The following AUTS2 variants were observed in gnomAD, a reference collection of about 807,000 sequenced individuals.
AUTS2 encodes the protein autism susceptibility gene 2 protein.
Under a neutral mutation model 112.4 loss-of-function variants are expected in AUTS2, and 17 were observed. The observed-to-expected ratio is 0.15, with a 90% confidence interval of 0.10 to 0.23. The LOEUF is 0.23. AUTS2 is among the 10% of genes least tolerant of loss of function. AUTS2 has a pLI of 1.00. For synonymous variants in AUTS2, 751 were observed against 702.7 expected (o/e 1.07, Z -1.09); for missense variants, 1,510 against 1,701.6 (o/e 0.89, Z 1.98).
chr7:70,431,463 A>G (rs927404054), intron 4 of AUTS2, among the ~76,000 whole-genome samples: 4 of 152,114 alleles, frequency 2.6e-5, no homozygotes, highest in Admixed American at 6.5e-5. Flanking sequence ...TCAGCTCACT[A>G]CAACCTCCGT....
At chr7:70,630,961 CTT>C (rs1479225351) in intron 5 of AUTS2, among the ~76,000 whole-genome samples, 1 of 152,106 alleles carries the variant, frequency 6.6e-6, no homozygotes, top group Non-Finnish European at 1.5e-5. Flanking sequence ...GTTCCTGAGA[CTT>C]TAAAGGAAAA....
At chr7:70,198,610 A>T (rs1337012509) in intron 4 of AUTS2, among the ~76,000 whole-genome samples, 40 of 111,594 alleles carry the variant, frequency 3.6e-4, no homozygotes, top group African/African-American at 1.4e-3. Context: ...GATGAAATGA[A>T]TGAAATGAAG....
chr7:69,805,560 T>C (rs1790265399), intron 1 of AUTS2, among the ~76,000 whole-genome samples: 1 of 152,000 alleles, frequency 6.6e-6, no homozygotes, highest in African/African-American at 2.4e-5. Flanking sequence ...CAAGAAAATA[T>C]GAAGGAAAAA....
At chr7:70,356,304 TATATCAATA>T (rs1792005556) in intron 4 of AUTS2, among the ~76,000 whole-genome samples, 1 of 152,220 alleles carries the variant, frequency 6.6e-6, no homozygotes, top group Non-Finnish European at 1.5e-5. Flanking sequence ...CAAGTTGCTT[TATATCAATA>T]GACTGAAGTA....
At chr7:70,579,244 T>TACAAAAAAAAAAAAA (rs1802317825) in intron 5 of AUTS2, among the ~76,000 whole-genome samples, 1 of 55,868 alleles carries the variant, frequency 1.8e-5, no homozygotes. Context: ...TTCTCTTTTC[T>TACAAAAAAAAAAAAA]AAAAAAAAAA....
At chr7:70,301,935 T>TG (rs976234549) in intron 4 of AUTS2, among the ~76,000 whole-genome samples, 104 of 134,076 alleles carry the variant, frequency 7.8e-4, no homozygotes, top group African/African-American at 2.9e-3. Context: ...TTGTTTTTTG[T>TG]GGTTTTTTTT....
At chr7:69,784,353 G>A (rs1039090026) in intron 1 of AUTS2, among the ~76,000 whole-genome samples, 3 of 152,100 alleles carry the variant, frequency 2.0e-5, no homozygotes, top group Admixed American at 1.3e-4. Flanking sequence ...CCTCTCCTTC[G>A]CAAGACCCAG....
intron 12 of AUTS2, chr7:70,775,131 C>T: frequency 1.8e-6 from 1 of 565,614 alleles, no homozygotes; most frequent in Non-Finnish European, 3.1e-6. Context: ...TAAACTTGTA[C>T]AGGGGCTTGT....
At chr7:70,732,152 T>C (rs1474767289) in intron 6 of AUTS2, among the ~76,000 whole-genome samples, 1 of 152,254 alleles carries the variant, frequency 6.6e-6, no homozygotes, top group Non-Finnish European at 1.5e-5. Flanking sequence ...AAGTGTATTA[T>C]GCATTACAGC....
intron 2 of AUTS2, among the ~76,000 whole-genome samples, chr7:70,096,048 C>A (rs1188451790): frequency 1.3e-5 from 2 of 152,108 alleles, no homozygotes; most frequent in Non-Finnish European, 2.9e-5. Flanking sequence ...GAGTTCAAGA[C>A]CTACCCTTCT....
At position 70,076,302 on chromosome 7, in the gene AUTS2, G is replaced by A. The variant is rs567694912; in HGVS notation, c.523-41830G>A. ...TCAAGTTAATAATAGTTTACAGTAA[G>A]TTCTCACTTAATGTTGTCAGTCATT... On this transcript the variant is annotated intron_variant, in intron 2 of 18. Coordinates refer to ENST00000342771, the MANE Select transcript of AUTS2 (RefSeq NM_015570.4). 2.0e-5 allele frequency among the ~76,000 whole-genome samples: 3 copies of A among 152,196 alleles called. No homozygotes were observed. In the South Asian group the frequency reaches 6.2e-4, roughly 32 times the overall value.
chr7:70,164,980 A>G (rs192994817), intron 4 of AUTS2, among the ~76,000 whole-genome samples: 100 of 152,326 alleles, frequency 6.6e-4, no homozygotes, highest in African/African-American at 2.3e-3. Flanking sequence ...GGTGGACAAT[A>G]TACATAAATC....
At chr7:70,681,984 G>C (rs1262261341) in intron 5 of AUTS2, among the ~76,000 whole-genome samples, 1 of 152,160 alleles carries the variant, frequency 6.6e-6, no homozygotes, top group Non-Finnish European at 1.5e-5. Context: ...CCGTGGCTTT[G>C]GGGTTGTTCC....
At chr7:69,970,175 A>G (rs76536686) in intron 2 of AUTS2, among the ~76,000 whole-genome samples, 1 of 152,280 alleles carries the variant, frequency 6.6e-6, no homozygotes, top group Non-Finnish European at 1.5e-5. Context: ...GTGCCTAGCT[A>G]TCTTTCTTTC....
At chr7:70,606,840 C>T (rs1357198274) in intron 5 of AUTS2, among the ~76,000 whole-genome samples, 2 of 143,024 alleles carry the variant, frequency 1.4e-5, no homozygotes, top group African/African-American at 5.2e-5. Context: ...CCAGCCTGGG[C>T]GACAAGCGAG....
chr7:69,690,608 A>G (rs1024143714), intron 1 of AUTS2, among the ~76,000 whole-genome samples: 2 of 152,162 alleles, frequency 1.3e-5, no homozygotes, highest in African/African-American at 4.8e-5. Flanking sequence ...GTGTACTGCA[A>G]GCAGCTTCCA....
intron 2 of AUTS2, among the ~76,000 whole-genome samples, chr7:70,075,523 A>G (rs1167971996): frequency 6.6e-6 from 1 of 152,250 alleles, no homozygotes; most frequent in African/African-American, 2.4e-5. Context: ...ATTCATTACT[A>G]AAAGGCATTA....
chr7:70,368,784 A>G (rs1016085738), intron 4 of AUTS2, among the ~76,000 whole-genome samples: 3 of 152,208 alleles, frequency 2.0e-5, no homozygotes, highest in Non-Finnish European at 4.4e-5. Flanking sequence ...GTAGAGCTAT[A>G]GGTATAAGTA....
At chr7:69,661,000 A>G (rs1228605837) in intron 1 of AUTS2, among the ~76,000 whole-genome samples, 1 of 152,218 alleles carries the variant, frequency 6.6e-6, no homozygotes, top group Non-Finnish European at 1.5e-5. Flanking sequence ...GTCATTGGGA[A>G]GTGGGAACGC....
Sources: gnomAD v4.1 joint callset for allele counts (sites outside exome capture counted in the v4.1 genomes callset) on GRCh38, gnomAD v4.1.1 for gene constraint, MANE v1.5 for transcripts, NCBI Gene and HGNC (gene_info 2026-07-23, HGNC 2026-07-21) for gene names.